The following CECR2 variants were observed in gnomAD, a reference collection of about 807,000 sequenced individuals.
CECR2 encodes chromatin remodeling regulator CECR2.
Under a neutral mutation model 154.5 loss-of-function variants are expected in CECR2, and 30 were observed. That is an observed-to-expected ratio of 0.19 (90% CI 0.15 to 0.26). The LOEUF is 0.26. Among genes scored for constraint, CECR2 ranks in the 10% least tolerant of loss-of-function variants. CECR2 has a pLI of 1.00. For missense variants in CECR2, 1,743 were observed against 1,829.3 expected (o/e 0.95, Z 0.86); for synonymous variants, 725 against 683.7 (o/e 1.06, Z -0.94).
chr22:17,366,475 C>T (rs1168515064), upstream of CECR2, among the ~76,000 whole-genome samples: 1 of 152,184 alleles, frequency 6.6e-6, no homozygotes, highest in South Asian at 2.1e-4. Flanking sequence ...GCGTCACCTA[C>T]CGCCCCGGCA....
At chr22:17,404,364 C>CCTTTTTTT (rs781954770) in intron 1 of CECR2, among the ~76,000 whole-genome samples, 6 of 59,624 alleles carry the variant, frequency 1.0e-4, no homozygotes, top group African/African-American at 4.5e-4. Context: ...GGACCCTGTT[C>CCTTTTTTT]TTTCTTTTTT....
chr22:17,540,086 GCCT>G (rs1333589426), intron 13 of CECR2, among the ~76,000 whole-genome samples: 1 of 152,078 alleles, frequency 6.6e-6, no homozygotes, highest in Non-Finnish European at 1.5e-5. Flanking sequence ...TCCTGCCTTG[GCCT>G]CCCAAAGTGC....
rs528991283 is a variant in CECR2, at chr22:17,511,905, G to A, written c.954+9G>A. On this transcript the variant is annotated intron_variant, in intron 8 of 18. Coordinates refer to ENST00000262608, the MANE Select transcript of CECR2 (RefSeq NM_001290047.2). The stretch of plus-strand genomic sequence containing the variant: ...AACCCGTCAAGCAAGAGGTGAGTGT[G>A]GGTGAGAGTAGCGAGGAGGAGCTTT... The A allele has an allele frequency of 6.2e-7, 1 of 1,603,554 alleles. No homozygotes were observed. The highest frequency in any genetic ancestry group is 2.2e-5 in the East Asian group (1 of 44,646).
intron 1 of CECR2, among the ~76,000 whole-genome samples, chr22:17,458,793 T>A (rs1023396300): frequency 9.2e-5 from 14 of 152,142 alleles, no homozygotes; most frequent in African/African-American, 2.7e-4. Flanking sequence ...CTGACTTTTT[T>A]TGTTATGAAG....
chr22:17,414,967 G>C lies in CECR2; in HGVS notation c.126+45058G>C, dbSNP rs543532683. On this transcript the variant is annotated intron_variant, in intron 1 of 18. Transcript: ENST00000262608. ...TTCTGAGGTGTGGTTTTTAAAGTGAGAATCAATTTTAGACAGTGTAAAATA... is the reference window on the plus strand; with the variant it reads ...TTCTGAGGTGTGGTTTTTAAAGTGACAATCAATTTTAGACAGTGTAAAATA... Among the ~76,000 whole-genome samples, 257 of 152,274 alleles carry C rather than the reference G, an allele frequency of 1.7e-3. 8 individuals carry two copies. The highest frequency in any genetic ancestry group is 0.016 in the Admixed American group (238 of 15,292).
At chr22:17,507,011 C>T (rs536284180) in intron 7 of CECR2, among the ~76,000 whole-genome samples, 6 of 152,114 alleles carry the variant, frequency 3.9e-5, no homozygotes, top group African/African-American at 1.2e-4. Context: ...TATTTCATAT[C>T]GATAATAATA....
chr22:17,446,395 C>CT (rs779575881), intron 1 of CECR2, among the ~76,000 whole-genome samples: 2 of 152,134 alleles, frequency 1.3e-5, no homozygotes, highest in Non-Finnish European at 2.9e-5. Context: ...AGCCACGGAA[C>CT]TTAGCGGTGA....
At position 17,441,251 on chromosome 22, in the gene CECR2, A is replaced by G. The variant is rs968387951; in HGVS notation, c.127-36337A>G. On this transcript the variant is annotated intron_variant, in intron 1 of 18. Coordinates refer to ENST00000262608, the MANE Select transcript of CECR2 (RefSeq NM_001290047.2). Reference sequence around the variant, plus strand: ...AGGCGTGAGCCACCATGCCTGGCCTATTAACACATTAAAATGATGCGTGTT... The same window carrying G: ...AGGCGTGAGCCACCATGCCTGGCCTGTTAACACATTAAAATGATGCGTGTT... 3.2e-4 allele frequency among the ~76,000 whole-genome samples: 49 copies of G among 152,296 alleles called. 1 individual carries two copies. The highest frequency in any genetic ancestry group is 3.4e-3 in the Middle Eastern group (1 of 294).
At chr22:17,498,885 T>C (rs1323503880) in intron 3 of CECR2, among the ~76,000 whole-genome samples, 32 of 152,228 alleles carry the variant, frequency 2.1e-4, no homozygotes, top group Admixed American at 2.1e-3. Context: ...CATTGTAATA[T>C]TTCCATCTCT....
chr22:17,388,360 C>T (rs1397823535), intron 1 of CECR2, among the ~76,000 whole-genome samples: 1 of 152,244 alleles, frequency 6.6e-6, no homozygotes, highest in African/African-American at 2.4e-5. Context: ...ACTGACCCAT[C>T]TGTTTAATTC....
chr22:17,555,247 C>T lies in CECR2; in HGVS notation c.*2407C>T, dbSNP rs990555003. ...AACGATACAGGAAAAGTCAGTAAAT[C>T]CCTTTATCCTTAATCTCCCTTCTTG... On this transcript the variant is annotated 3_prime_UTR_variant, in exon 19 of 19. Transcript: ENST00000262608. 6.6e-6 allele frequency: 1 copy of T among 152,226 alleles called. No individual in the cohort carries two copies. The highest frequency in any genetic ancestry group is 6.5e-5 in the Admixed American group (1 of 15,282). The allele number at this position is 152,226 out of a possible 1,614,324, so 9.4% of individuals were successfully genotyped here.
At chr22:17,450,999 G>A (rs1352674624) in intron 1 of CECR2, among the ~76,000 whole-genome samples, 2 of 152,232 alleles carry the variant, frequency 1.3e-5, no homozygotes, top group Non-Finnish European at 2.9e-5. Context: ...AGCAGCTAGA[G>A]TAATGAACGT....
At chr22:17,522,701 A>C (rs2056178769) in intron 8 of CECR2, among the ~76,000 whole-genome samples, 1 of 152,188 alleles carries the variant, frequency 6.6e-6, no homozygotes, top group African/African-American at 2.4e-5. Flanking sequence ...GGTGAAAATG[A>C]CATTGAGAAG....
chr22:17,484,779 G>A (rs2055391006), intron 2 of CECR2, among the ~76,000 whole-genome samples: 1 of 152,132 alleles, frequency 6.6e-6, no homozygotes, highest in Admixed American at 6.5e-5. Context: ...TCTGTAGGCT[G>A]AGGCATGAGA....
intron 1 of CECR2, among the ~76,000 whole-genome samples, chr22:17,382,099 C>A (rs750457194): frequency 1.3e-5 from 2 of 151,486 alleles, no homozygotes; most frequent in Non-Finnish European, 2.9e-5. Flanking sequence ...GCCGTGTTAG[C>A]CAGGATGGTC....
chr22:17,373,072 G>GT (rs2063079391), intron 1 of CECR2, among the ~76,000 whole-genome samples: 1 of 151,974 alleles, frequency 6.6e-6, no homozygotes, highest in Non-Finnish European at 1.5e-5. Flanking sequence ...TAAATTTTTT[G>GT]TTTTTTCTGA....
rs532898412 is a variant in CECR2, at chr22:17,516,918, G to A, written c.954+5022G>A. On this transcript the variant is annotated intron_variant, in intron 8 of 18. Transcript: ENST00000262608. ...TGATCTGGTTGTTTATTGTTTTTTC[G>A]GGGTTTTTTTGAGACGGAGTCTCAC... Among the ~76,000 whole-genome samples the A allele has an allele frequency of 8.7e-5, 13 of 149,058 alleles. No homozygotes were observed. In the South Asian group the frequency reaches 1.9e-3, roughly 22 times the overall value.
chr22:17,379,581 G>GT (rs1555899687), intron 1 of CECR2, among the ~76,000 whole-genome samples: 1 of 137,904 alleles, frequency 7.3e-6, no homozygotes, highest in African/African-American at 2.7e-5. Context: ...CTACGTTGAA[G>GT]GTGTGTGTGT....
chr22:17,453,643 C>T (rs890570201), intron 1 of CECR2, among the ~76,000 whole-genome samples: 5 of 152,114 alleles, frequency 3.3e-5, no homozygotes, highest in African/African-American at 9.7e-5. Flanking sequence ...CCTAAATTCT[C>T]CTTCCCATTA....
Sources: allele counts gnomAD v4.1 joint callset (sites outside exome capture counted in the v4.1 genomes callset), GRCh38; gene constraint gnomAD v4.1.1; transcripts MANE v1.5; gene names NCBI Gene and HGNC (gene_info 2026-07-23, HGNC 2026-07-21).